Variants in MYRIP observed in about 807,000 individuals in gnomAD.
The protein encoded by MYRIP is rab effector MyRIP.
Under a neutral mutation model 98.0 loss-of-function variants are expected in MYRIP, and 49 were observed. The ratio of observed to expected loss-of-function variants is 0.50; its 90% CI spans 0.40 to 0.63. The LOEUF (loss-of-function observed/expected upper bound fraction) is 0.63. MYRIP is among the 30% of genes least tolerant of loss of function. MYRIP has a pLI of 0.00. For missense variants in MYRIP, 1,004 were observed against 1,058.2 expected, an observed-to-expected ratio of 0.95 and a Z score of 0.71; for synonymous variants, 404 against 409.5, an observed-to-expected ratio of 0.99 and a Z score of 0.16.
Position 39,938,489 on chromosome 3 carries a change from A to G in MYRIP, c.110+37563A>G, listed in dbSNP as rs564755219. ...CTGCATTTCTGCTATGTATATACCC[A>G]AAGATGGGATTGCTAGGTCATAGAG... is the stretch of plus-strand genomic sequence containing the variant. On this transcript the variant is annotated intron_variant, in intron 2 of 16. Coordinates refer to ENST00000302541, the MANE Select transcript of MYRIP (RefSeq NM_015460.4). 2.7e-4 allele frequency among the ~76,000 whole-genome samples: 41 copies of G among 152,254 alleles called. 3 individuals carry two copies. In the South Asian group the frequency reaches 8.1e-3, roughly 30 times the overall value.
chr3:40,069,371 C>G (rs1030826733), intron 3 of MYRIP, among the ~76,000 whole-genome samples: 2 of 150,990 alleles, frequency 1.3e-5, no homozygotes, highest in Non-Finnish European at 2.9e-5. Context: ...TCCAACCTAC[C>G]TCAAGGCCAA....
intron 3 of MYRIP, among the ~76,000 whole-genome samples, chr3:40,078,448 G>A (rs900003928): frequency 6.6e-6 from 1 of 152,204 alleles, no homozygotes; most frequent in African/African-American, 2.4e-5. Context: ...AGCAAGCGAG[G>A]GCTGTGAGGA....
chr3:40,136,261 C>A (rs1019145770), intron 3 of MYRIP, among the ~76,000 whole-genome samples: 9 of 152,194 alleles, frequency 5.9e-5, no homozygotes, highest in Middle Eastern at 3.4e-3. Context: ...AGACTTTAAA[C>A]CGACAAAGAT....
chr3:40,251,837 G>C, intron 15 of MYRIP, 44 bp from the exon 16 acceptor site: 2 of 1,345,410 alleles, frequency 1.5e-6, no homozygotes, highest in Non-Finnish European at 2.1e-6. Context: ...CAATCAATCA[G>C]TCCATCTTCT....
intron 3 of MYRIP, among the ~76,000 whole-genome samples, chr3:40,113,928 AC>A (rs946639521): frequency 6.6e-6 from 1 of 151,944 alleles, no homozygotes; most frequent in African/African-American, 2.4e-5. Flanking sequence ...TGACCTCATG[AC>A]CCGCCCGCCT....
chr3:39,895,282 G>A (rs1943578341), intron 1 of MYRIP, among the ~76,000 whole-genome samples: 1 of 151,856 alleles, frequency 6.6e-6, no homozygotes, highest in Non-Finnish European at 1.5e-5. Context: ...CGCCTCCCGG[G>A]TTCGAGCGAT....
chr3:40,152,550 G>C (rs1186711869), intron 4 of MYRIP, among the ~76,000 whole-genome samples: 1 of 152,156 alleles, frequency 6.6e-6, no homozygotes, highest in Non-Finnish European at 1.5e-5. Context: ...AAATTTACAA[G>C]GATCACTTTC....
chr3:40,131,579 C>T (rs947396662), intron 3 of MYRIP, among the ~76,000 whole-genome samples: 4 of 152,150 alleles, frequency 2.6e-5, no homozygotes, highest in African/African-American at 9.7e-5. Context: ...TATGATCTTC[C>T]TTCCTCTTAC....
intron 1 of MYRIP, among the ~76,000 whole-genome samples, chr3:39,841,089 A>G (rs995807386): frequency 6.6e-6 from 1 of 152,134 alleles, no homozygotes; most frequent in African/African-American, 2.4e-5. Context: ...CGTCACTTTC[A>G]GGTACACCAA....
chr3:40,176,923 A>AG (rs1950779873), intron 8 of MYRIP, among the ~76,000 whole-genome samples: 1 of 149,046 alleles, frequency 6.7e-6, no homozygotes, highest in South Asian at 2.1e-4. Context: ...AAAAAAAAAA[A>AG]AAGAAAAGAA....
At chr3:40,031,284 C>T (rs1445196117) in intron 2 of MYRIP, among the ~76,000 whole-genome samples, 1 of 152,086 alleles carries the variant, frequency 6.6e-6, no homozygotes, top group African/African-American at 2.4e-5. Context: ...TTACTCTTAA[C>T]ACCTAATCAC....
upstream of MYRIP, among the ~76,000 whole-genome samples, chr3:39,809,405 GGCGCGTGCCGCCC>G (rs1940579805): frequency 6.8e-6 from 1 of 147,528 alleles, no homozygotes; most frequent in Non-Finnish European, 1.5e-5. Flanking sequence ...CGCCCCTCCC[GGCGCGTGCCGCCC>G]GCGCGCCCGA....
At position 40,190,234 on chromosome 3, in the gene MYRIP, C is replaced by T; in HGVS notation, c.1436C>T (p.Ala479Val). 1 of 1,614,058 alleles carries T rather than the reference C, an allele frequency of 6.2e-7. No homozygotes were observed. The highest frequency in any genetic ancestry group is 2.2e-5 in the East Asian group (1 of 44,836). ...AGACTGTCCTGGTTGCAGAGGAAGG[C>T]CCCCAGGAACCCTGCAGCTGAGAAG... ...QARLSWLQRK[A>V]PRNPAAEKMR... Residue 479 changes from alanine (A) to valine (V), a missense_variant, in exon 10 of 17, where the codon GCC becomes GTC. This residue lies in a region of MYRIP where 880 missense variants were observed against 907.7 expected (regional missense o/e 0.97). Coordinates refer to ENST00000302541, the MANE Select transcript of MYRIP (RefSeq NM_015460.4).
At chr3:39,878,837 A>G (rs1020256380) in intron 1 of MYRIP, among the ~76,000 whole-genome samples, 4 of 151,514 alleles carry the variant, frequency 2.6e-5, no homozygotes, top group African/African-American at 7.3e-5. Flanking sequence ...TAGGTGGATC[A>G]TGAGGTGAAG....
At chr3:39,848,310 G>T (rs1251110358) in intron 1 of MYRIP, among the ~76,000 whole-genome samples, 1 of 152,118 alleles carries the variant, frequency 6.6e-6, no homozygotes, top group Non-Finnish European at 1.5e-5. Context: ...GCATAAAATT[G>T]GAAAGGTACT....
chr3:39,910,609 AT>A (rs1210614130), intron 2 of MYRIP, among the ~76,000 whole-genome samples: 2 of 152,274 alleles, frequency 1.3e-5, no homozygotes. Flanking sequence ...AAGATCAAGT[AT>A]AAAAAATGTA....
At chr3:40,098,866 A>T (rs545606662) in intron 3 of MYRIP, among the ~76,000 whole-genome samples, 1 of 146,216 alleles carries the variant, frequency 6.8e-6, no homozygotes, top group African/African-American at 2.6e-5. Flanking sequence ...AATGCAAAAC[A>T]AACAGCTATC....
chr3:40,167,373 T>C (rs778739895), intron 7 of MYRIP, 134 bp downstream of exon 7: 2 of 824,530 alleles, frequency 2.4e-6, no homozygotes, highest in Non-Finnish European at 3.9e-6. Context: ...TTTAGACTTT[T>C]GTGCCCTGGG....
intron 2 of MYRIP, among the ~76,000 whole-genome samples, chr3:40,021,815 A>G (rs1282968741): frequency 6.6e-6 from 1 of 152,224 alleles, no homozygotes; most frequent in Non-Finnish European, 1.5e-5. Flanking sequence ...ATTCTGACAT[A>G]TTGTACTTAT....
Sources: gnomAD v4.1 joint callset for allele counts (sites outside exome capture counted in the v4.1 genomes callset) on GRCh38, gnomAD v4.1.1 for gene constraint, gnomAD v4.1.1 regional missense constraint, MANE v1.5 for transcripts, NCBI Gene and HGNC (gene_info 2026-07-23, HGNC 2026-07-21) for gene names.